The following TAOK3 variants were observed in gnomAD, a reference collection of about 807,000 sequenced individuals.
TAOK3 encodes the protein serine/threonine-protein kinase TAO3.
Under a neutral mutation model 120.4 loss-of-function variants are expected in TAOK3, and 40 were observed. The observed-to-expected ratio is 0.33, with a 90% CI of 0.26 to 0.43. The LOEUF is 0.43. TAOK3 is among the 20% of genes least tolerant of loss of function. The pLI, the probability that TAOK3 is intolerant of heterozygous loss-of-function variation, is 1.00. For synonymous variants in TAOK3, 355 were observed against 387.5 expected, an observed-to-expected ratio of 0.92 and a Z score of 0.99; for missense variants, 821 against 1,112.1, an observed-to-expected ratio of 0.74 and a Z score of 3.72.
intron 14 of TAOK3, among the ~76,000 whole-genome samples, chr12:118,188,923 A>AGAGTGT (rs1555216905): frequency 6.6e-6 from 1 of 150,884 alleles, no homozygotes; most frequent in African/African-American, 2.4e-5. Flanking sequence ...AAACGATGTG[A>AGAGTGT]GTGTGTGTGT....
At position 118,161,771 on chromosome 12, in the gene TAOK3, A is replaced by G. The variant is rs766743531; in HGVS notation, c.2139+17T>C. 2 of 1,613,954 alleles carry G rather than the reference A, an allele frequency of 1.2e-6. No individual in the cohort carries two copies. The highest frequency in any genetic ancestry group is 2.2e-5 in the South Asian group (2 of 91,064). On this transcript the variant is annotated intron_variant, in intron 18 of 20. Coordinates refer to ENST00000392533, the MANE Select transcript of TAOK3 (RefSeq NM_016281.4). This position sits in a 1 kb window ranked among gnomAD's most constrained non-coding sequence, Gnocchi z 4.5. Reference sequence around the variant, plus strand: ...CCACTGATCTGGTCCAACACTGTCCAGCAGCACAAATCTTACCTTTAAGTT... The same window carrying G: ...CCACTGATCTGGTCCAACACTGTCCGGCAGCACAAATCTTACCTTTAAGTT...
At chr12:118,310,707 T>C (rs576291775) in intron 1 of TAOK3, among the ~76,000 whole-genome samples, 3 of 152,336 alleles carry the variant, frequency 2.0e-5, no homozygotes, top group South Asian at 2.1e-4. Flanking sequence ...CCTTCTATTA[T>C]ATAAATAGGT....
At chr12:118,255,854 G>A (rs560911936) in intron 2 of TAOK3, 199 bp from the exon 3 acceptor site, 9 of 221,888 alleles carry the variant, frequency 4.1e-5, no homozygotes, top group African/African-American at 9.2e-5. Flanking sequence ...AGGCTGAGGC[G>A]GGCGGATCAC....
chr12:118,154,110 C>T (rs2034640398), intron 19 of TAOK3, among the ~76,000 whole-genome samples: 1 of 152,202 alleles, frequency 6.6e-6, no homozygotes, highest in South Asian at 2.1e-4. Context: ...AGGGTTGTTA[C>T]TGATTCCCTC....
Position 118,238,064 on chromosome 12 carries a change from T to C in TAOK3, c.437+9A>G. The C allele has an allele frequency of 1.9e-6, 3 of 1,559,836 alleles. No homozygotes were observed. The highest frequency in any genetic ancestry group is 2.6e-6 in the Non-Finnish European group (3 of 1,137,384). On this transcript the variant is annotated intron_variant, in intron 7 of 20. Coordinates refer to ENST00000392533, the MANE Select transcript of TAOK3 (RefSeq NM_016281.4). Reference sequence around the variant, plus strand: ...ACTGAAAAGAAACATAACTGGTCTCTAATCTTACCTATGAATCAATGCATG... The same window carrying C: ...ACTGAAAAGAAACATAACTGGTCTCCAATCTTACCTATGAATCAATGCATG...
intron 7 of TAOK3, among the ~76,000 whole-genome samples, chr12:118,237,154 C>G (rs1013634573): frequency 2.0e-5 from 3 of 152,146 alleles, no homozygotes; most frequent in African/African-American, 7.2e-5. Context: ...TTTCGGTCTG[C>G]CTATCTTTAG....
chr12:118,277,668 C>T (rs1168118855), intron 1 of TAOK3, among the ~76,000 whole-genome samples: 2 of 151,924 alleles, frequency 1.3e-5, no homozygotes, highest in Non-Finnish European at 2.9e-5. Context: ...ACCATACTGG[C>T]CAGGCTGGTC....
intron 16 of TAOK3, among the ~76,000 whole-genome samples, chr12:118,174,070 C>A (rs534275508): frequency 6.6e-6 from 1 of 152,252 alleles, no homozygotes; most frequent in Non-Finnish European, 1.5e-5. Context: ...GATGTCACTA[C>A]TTGGTTGGCC....
At chr12:118,180,231 A>T (rs2138854481) in intron 15 of TAOK3, among the ~76,000 whole-genome samples, 1 of 148,164 alleles carries the variant, frequency 6.7e-6, no homozygotes, top group Middle Eastern at 3.7e-3. Flanking sequence ...TGCAGGCGTG[A>T]GCCACTGTGC....
At chr12:118,278,219 T>A (rs2041972270) in intron 1 of TAOK3, among the ~76,000 whole-genome samples, 1 of 152,152 alleles carries the variant, frequency 6.6e-6, no homozygotes, top group Non-Finnish European at 1.5e-5. Context: ...AGGGGTTTGG[T>A]GTACAGATTA....
At chr12:118,290,944 G>A (rs190503624) in intron 1 of TAOK3, among the ~76,000 whole-genome samples, 209 of 148,696 alleles carry the variant, frequency 1.4e-3, no homozygotes, top group South Asian at 2.6e-3. Flanking sequence ...CTGGAGTGCC[G>A]TGGCGTGATC....
At chr12:118,335,026 A>T (rs567563549) in intron 1 of TAOK3, among the ~76,000 whole-genome samples, 147 of 152,028 alleles carry the variant, frequency 9.7e-4, no homozygotes, top group African/African-American at 3.2e-3. Flanking sequence ...TAAAAATACA[A>T]AAAAGTAGCC....
intron 14 of TAOK3, among the ~76,000 whole-genome samples, chr12:118,188,923 AGTGTGTGTGT>A (rs35868707): frequency 1.3e-5 from 2 of 150,884 alleles, no homozygotes; most frequent in African/African-American, 2.4e-5. Flanking sequence ...AAACGATGTG[AGTGTGTGTGT>A]GTGTGTGTGT....
intron 1 of TAOK3, among the ~76,000 whole-genome samples, chr12:118,337,341 G>A (rs2141081822): frequency 6.6e-6 from 1 of 152,326 alleles, no homozygotes; most frequent in South Asian, 2.1e-4. Context: ...AGCCACTCTG[G>A]AAAATAGTGT....
chr12:118,255,382 T>G (rs764504221), intron 3 of TAOK3, 66 bp downstream of exon 3: 32 of 1,566,992 alleles, frequency 2.0e-5, no homozygotes, highest in Non-Finnish European at 6.1e-6. Context: ...CGTGAGTCAC[T>G]GTGCCAGGCC....
intron 5 of TAOK3, among the ~76,000 whole-genome samples, chr12:118,240,339 G>C (rs61945207): frequency 0.18 from 26,558 of 151,336 alleles, 2,414 homozygotes; most frequent in East Asian, 0.26. Context: ...GCCACCACAC[G>C]CGGCTAATTT....
chr12:118,348,804 A>ATT (rs2141198164), intron 1 of TAOK3, among the ~76,000 whole-genome samples: 1 of 145,022 alleles, frequency 6.9e-6, no homozygotes, highest in East Asian at 2.1e-4. Context: ...AATACACAAT[A>ATT]TTATGTGTGT....
intron 1 of TAOK3, among the ~76,000 whole-genome samples, chr12:118,350,616 T>C (rs2045096480): frequency 6.6e-6 from 1 of 152,038 alleles, no homozygotes; most frequent in African/African-American, 2.4e-5. Flanking sequence ...CCCAGCACTT[T>C]GGGAGGCTGA....
At chr12:118,168,493 T>A (rs1413660890) in intron 17 of TAOK3, among the ~76,000 whole-genome samples, 2 of 152,222 alleles carry the variant, frequency 1.3e-5, no homozygotes, top group Non-Finnish European at 2.9e-5. Flanking sequence ...TATATGTTGA[T>A]ATCTCAATAA....
Sources: allele counts gnomAD v4.1 joint callset (sites outside exome capture counted in the v4.1 genomes callset), GRCh38; gene constraint gnomAD v4.1.1; non-coding constraint Gnocchi (gnomAD v3.1); transcripts MANE v1.5; gene names NCBI Gene and HGNC (gene_info 2026-07-23, HGNC 2026-07-21).